WWC1: variants seen among roughly 807,000 people sequenced by gnomAD.
WWC1 encodes the protein WW and C2 domain containing 1.
WWC1 carries 55 observed loss-of-function variants against 138.4 expected under a neutral mutation model. That is an observed-to-expected ratio of 0.40 (90% CI 0.32 to 0.50). WWC1 has a LOEUF of 0.50. WWC1 is among the 20% of genes least tolerant of loss of function. WWC1 has a pLI of 0.72. For missense variants in WWC1, 1,226 were observed against 1,420.4 expected (o/e 0.86, Z 2.20); for synonymous variants, 524 against 564.9 (o/e 0.93, Z 1.03).
intron 3 of WWC1, among the ~76,000 whole-genome samples, chr5:168,393,598 G>C (rs1778665258): frequency 6.6e-6 from 1 of 152,152 alleles, no homozygotes; most frequent in South Asian, 2.1e-4. Context: ...TTTCCTTCAT[G>C]GTTTCTTTCT....
chr5:168,341,104 C>T (rs1171798726), intron 1 of WWC1, among the ~76,000 whole-genome samples: 1 of 152,140 alleles, frequency 6.6e-6, no homozygotes, highest in Non-Finnish European at 1.5e-5. Flanking sequence ...ACAGGGAGAC[C>T]ATGGCGCAAT....
intron 3 of WWC1, among the ~76,000 whole-genome samples, chr5:168,397,327 G>C (rs992816781): frequency 6.6e-6 from 1 of 152,042 alleles, no homozygotes; most frequent in African/African-American, 2.4e-5. Context: ...ATTTTTAGCA[G>C]AGGCGGGATT....
intron 5 of WWC1, among the ~76,000 whole-genome samples, chr5:168,402,429 T>G (rs1425420981): frequency 6.6e-6 from 1 of 152,160 alleles, no homozygotes; most frequent in Admixed American, 6.5e-5. Context: ...AAGATTGAAT[T>G]GGAAAATCCG....
intron 8 of WWC1, 46 bp from the exon 9 acceptor site, chr5:168,414,302 C>T (rs1313561755): frequency 6.2e-7 from 1 of 1,600,198 alleles, no homozygotes; most frequent in African/African-American, 1.3e-5. Flanking sequence ...CCTGTTCCCT[C>T]AGTGCCATTA....
intron 19 of WWC1, among the ~76,000 whole-genome samples, chr5:168,459,594 C>A (rs1193060097): frequency 6.6e-6 from 1 of 152,196 alleles, no homozygotes; most frequent in African/African-American, 2.4e-5. Context: ...GTGCTCTATC[C>A]ATGTGGCAGT....
intron 15 of WWC1, among the ~76,000 whole-genome samples, chr5:168,440,743 C>T (rs989587505): frequency 6.6e-6 from 1 of 152,132 alleles, no homozygotes; most frequent in African/African-American, 2.4e-5. Context: ...TCTCGATCTC[C>T]CGACCTCAGA....
chr5:168,446,712 A>G lies in WWC1; in HGVS notation c.2525+2127A>G, dbSNP rs1273720274. ...CTCATCTGAAAACTGAGGAAATAAT[A>G]CTGACTATGTGAGGTTACTGAAAGA... On this transcript the variant is annotated intron_variant, in intron 17 of 22. Coordinates refer to ENST00000265293, the MANE Select transcript of WWC1 (RefSeq NM_015238.3). 2.0e-5 allele frequency among the ~76,000 whole-genome samples: 3 copies of G among 152,178 alleles called. No individual in the cohort carries two copies. In the East Asian group the frequency reaches 5.8e-4, roughly 29 times the overall value.
intron 1 of WWC1, among the ~76,000 whole-genome samples, chr5:168,361,308 G>T (rs963237567): frequency 2.6e-5 from 4 of 152,172 alleles, no homozygotes; most frequent in African/African-American, 7.2e-5. Context: ...GGGTTGAGCA[G>T]GGTGAGGAGC....
At chr5:168,337,415 A>G (rs775629055) in intron 1 of WWC1, among the ~76,000 whole-genome samples, 15 of 152,086 alleles carry the variant, frequency 9.9e-5, no homozygotes, top group Non-Finnish European at 2.1e-4. Flanking sequence ...CAATGTCAAG[A>G]CATTTCTGGT....
chr5:168,359,361 TATAG>T (rs750727451), intron 1 of WWC1, among the ~76,000 whole-genome samples: 9 of 152,198 alleles, frequency 5.9e-5, no homozygotes, highest in Non-Finnish European at 1.2e-4. Context: ...GCCTATACAC[TATAG>T]AGTTTTTTAC....
chr5:168,422,860 G>T (rs1163399417), intron 10 of WWC1, among the ~76,000 whole-genome samples: 2 of 152,082 alleles, frequency 1.3e-5, no homozygotes, highest in Non-Finnish European at 2.9e-5. Flanking sequence ...AAAACAGTGA[G>T]TTGGGGCAGG....
chr5:168,457,676 A>G (rs1756458980), intron 19 of WWC1, among the ~76,000 whole-genome samples: 1 of 152,134 alleles, frequency 6.6e-6, no homozygotes, highest in South Asian at 2.1e-4. Context: ...AAATCACACC[A>G]CAAAGCCAAT....
intron 3 of WWC1, among the ~76,000 whole-genome samples, chr5:168,397,289 C>T (rs745828874): frequency 1.3e-5 from 2 of 151,816 alleles, no homozygotes; most frequent in Non-Finnish European, 2.9e-5. Context: ...ACTACAGGCG[C>T]CCACCACCAT....
intron 1 of WWC1, among the ~76,000 whole-genome samples, chr5:168,337,676 G>A (rs911115672): frequency 3.4e-4 from 52 of 152,318 alleles, no homozygotes; most frequent in South Asian, 2.5e-3. Context: ...TGCTACAGAC[G>A]GTAAGGGAGA....
At chr5:168,310,912 G>T (rs1169385833) in intron 1 of WWC1, among the ~76,000 whole-genome samples, 8 of 151,910 alleles carry the variant, frequency 5.3e-5, no homozygotes, top group Non-Finnish European at 1.2e-4. Flanking sequence ...AAGAAATAAG[G>T]TTGTTCTCTT....
chr5:168,422,180 C>T (rs759475545), intron 10 of WWC1, 83 bp downstream of exon 10: 37 of 1,349,344 alleles, frequency 2.7e-5, no homozygotes, highest in Non-Finnish European at 3.8e-5. Flanking sequence ...AGGCTCTACC[C>T]TTCACTTGTC....
chr5:168,361,494 A>G (rs1300345590), intron 1 of WWC1, among the ~76,000 whole-genome samples: 2 of 152,142 alleles, frequency 1.3e-5, no homozygotes, highest in East Asian at 1.9e-4. Flanking sequence ...ATTCGGTATA[A>G]TAGGGTTAGT....
chr5:168,336,009 G>A (rs1773423651), intron 1 of WWC1, among the ~76,000 whole-genome samples: 1 of 152,104 alleles, frequency 6.6e-6, no homozygotes, highest in Non-Finnish European at 1.5e-5. Context: ...GCAGGACATT[G>A]GACGTTGTCA....
At chr5:168,428,821 G>A (rs1272491607) in intron 13 of WWC1, 34 bp downstream of exon 13, 5 of 1,608,334 alleles carry the variant, frequency 3.1e-6, no homozygotes, top group Non-Finnish European at 4.3e-6. Context: ...CAGAAGGAAC[G>A]GTCTGTGTGG....
Sources: gnomAD v4.1 joint callset for allele counts (sites outside exome capture counted in the v4.1 genomes callset) on GRCh38, gnomAD v4.1.1 for gene constraint, MANE v1.5 for transcripts, NCBI Gene and HGNC (gene_info 2026-07-23, HGNC 2026-07-21) for gene names.